MGST1: variants seen among roughly 807,000 people sequenced by gnomAD.
MGST1 encodes microsomal glutathione S-transferase 1.
A neutral mutation model predicts 8.9 loss-of-function variants in MGST1; 5 were observed. That is an observed-to-expected ratio of 0.56 (90% CI 0.29 to 1.19). The LOEUF is 1.19. Ranked by LOEUF, MGST1 falls within the 50% of genes most tolerant of loss-of-function variation. The pLI, the probability that MGST1 is intolerant of heterozygous loss-of-function variation, is 0.08. For missense variants in MGST1, 182 were observed against 187.4 expected, an observed-to-expected ratio of 0.97 and a Z score of 0.17; for synonymous variants, 54 against 67.8, an observed-to-expected ratio of 0.80 and a Z score of 1.00.
intron 4 of MGST1, among the ~76,000 whole-genome samples, chr12:16,481,756 G>C (rs1238020099): frequency 6.6e-6 from 1 of 151,988 alleles, no homozygotes; most frequent in African/African-American, 2.4e-5. Context: ...ACAATGGCTG[G>C]AGTGAGATGG....
intron 1 of MGST1, among the ~76,000 whole-genome samples, chr12:16,420,663 C>T (rs944991483): frequency 2.0e-5 from 3 of 152,102 alleles, no homozygotes; most frequent in African/African-American, 7.2e-5. Flanking sequence ...AGAGCTAGAC[C>T]TTTCTTCCTA....
At chr12:16,581,911 G>A (rs1014865241) in intron 4 of MGST1, among the ~76,000 whole-genome samples, 6 of 151,912 alleles carry the variant, frequency 3.9e-5, no homozygotes, top group Non-Finnish European at 5.9e-5. Context: ...TATGCTAAAT[G>A]TACCTATTTC....
chr12:16,481,862 GAAGA>G, intron 4 of MGST1, among the ~76,000 whole-genome samples: 1 of 152,254 alleles, frequency 6.6e-6, no homozygotes, highest in East Asian at 1.9e-4. Context: ...TTTCAGAATT[GAAGA>G]AAGTCCTCAA....
Position 16,548,517 on chromosome 12 carries a change from T to C in MGST1, n.483-41011T>C, listed in dbSNP as rs1324999606. 6.6e-6 allele frequency: 1 copy of C among 152,068 alleles called. No homozygotes were observed. The highest frequency in any genetic ancestry group is 2.4e-5 in the African/African-American group (1 of 41,392). The allele number at this position is 152,068 out of a possible 1,614,324, so 9.4% of individuals were successfully genotyped here. ...ACTCAGCACTCTGTTGGAGTGGAGG[T>C]GCACGGTCCTTCATCATAGGCAGCC... On this transcript the variant is annotated intron_variant and non_coding_transcript_variant, in intron 4 of 4. Transcript: ENST00000538857. The surrounding 1 kb of genome is among the most constrained non-coding windows in gnomAD (Gnocchi z 4.2).
At chr12:16,396,420 T>A (rs1393373994) in intron 1 of MGST1, among the ~76,000 whole-genome samples, 1 of 152,146 alleles carries the variant, frequency 6.6e-6, no homozygotes, top group Non-Finnish European at 1.5e-5. Context: ...AATGTATTAC[T>A]GGAAGTCTTA....
chr12:16,430,499 G>A (rs1429749052), intron 1 of MGST1, among the ~76,000 whole-genome samples: 1 of 152,106 alleles, frequency 6.6e-6, no homozygotes, highest in Non-Finnish European at 1.5e-5. Flanking sequence ...TGATCCGTGG[G>A]CTGCAGAATG....
At chr12:16,496,344 A>AG (rs1941469648) in intron 4 of MGST1, among the ~76,000 whole-genome samples, 1 of 152,158 alleles carries the variant, frequency 6.6e-6, no homozygotes, top group Admixed American at 6.6e-5. Flanking sequence ...GGAGCCAGAT[A>AG]GGTGAATATC....
chr12:16,395,059 A>G (rs1429067039), intron 1 of MGST1, among the ~76,000 whole-genome samples: 1 of 151,936 alleles, frequency 6.6e-6, no homozygotes, highest in African/African-American at 2.4e-5. Context: ...AATTAATTTT[A>G]ATATATTTTA....
intron 1 of MGST1, among the ~76,000 whole-genome samples, chr12:16,414,718 G>T (rs1394799537): frequency 2.0e-5 from 3 of 152,086 alleles, no homozygotes; most frequent in Non-Finnish European, 2.9e-5. Flanking sequence ...CCCGGCCAAG[G>T]TGGTTATTTT....
chr12:16,364,485 CA>C (rs1328168344), downstream of MGST1: 16 of 729,882 alleles, frequency 2.2e-5, no homozygotes, highest in Non-Finnish European at 2.7e-5. The surrounding 1 kb of genome is among the most constrained non-coding windows in gnomAD (Gnocchi z 5.7). Context: ...AAAAATAGTA[CA>C]AAGAACCACT....
chr12:16,387,520 C>T (rs1169679189), intron 1 of MGST1, among the ~76,000 whole-genome samples: 1 of 148,174 alleles, frequency 6.7e-6, no homozygotes, highest in South Asian at 2.1e-4. Flanking sequence ...ATGCCCTATA[C>T]AGGTATACCA....
rs1158938813 is a variant in MGST1, at chr12:16,559,892, T to C, written n.483-29636T>C. The stretch of plus-strand genomic sequence containing the variant: ...CAGGAGGATTGCTTGAGCACAGAAG[T>C]TGAGGCTGCATGAGCCATGTTAGTG... On this transcript the variant is annotated intron_variant and non_coding_transcript_variant, in intron 4 of 4. Coordinates refer to the MGST1 transcript ENST00000538857. This position sits in a 1 kb window ranked among gnomAD's most constrained non-coding sequence, Gnocchi z 4.1. Among the ~76,000 whole-genome samples, 2 of 151,916 alleles carry C rather than the reference T, an allele frequency of 1.3e-5. No individual in the cohort carries two copies. Among genetic ancestry groups the C allele is most frequent in the African/African-American group, 4.8e-5 (2 of 41,344 alleles).
chr12:16,399,998 A>G, intron 1 of MGST1: 2 of 1,478,596 alleles, frequency 1.4e-6, no homozygotes, highest in Non-Finnish European at 1.9e-6. Context: ...GTACTCCTGT[A>G]GGGAGCTCTG....
intron 4 of MGST1, among the ~76,000 whole-genome samples, chr12:16,498,399 T>A (rs192371919): frequency 8.2e-4 from 125 of 152,302 alleles, no homozygotes; most frequent in Admixed American, 1.9e-3. Context: ...ATTACCACTG[T>A]GATACCAAGA....
chr12:16,519,408 G>T (rs1941634630), intron 4 of MGST1, among the ~76,000 whole-genome samples: 1 of 152,156 alleles, frequency 6.6e-6, no homozygotes, highest in South Asian at 2.1e-4. Flanking sequence ...CTTGAGAGGA[G>T]AAAAGTATGA....
intron 4 of MGST1, among the ~76,000 whole-genome samples, chr12:16,463,909 C>T (rs1162861954): frequency 6.6e-6 from 1 of 152,140 alleles, no homozygotes; most frequent in East Asian, 1.9e-4. Context: ...TTCAAAGTAT[C>T]TTCTCTGTGA....
chr12:16,377,394 G>A (rs1467604460), downstream of MGST1, among the ~76,000 whole-genome samples: 4 of 148,668 alleles, frequency 2.7e-5, no homozygotes, highest in Non-Finnish European at 5.9e-5. Flanking sequence ...AGAACATATG[G>A]TGTTTCGTTT....
intron 4 of MGST1, among the ~76,000 whole-genome samples, chr12:16,466,774 A>G (rs927165089): frequency 6.6e-6 from 1 of 152,208 alleles, no homozygotes; most frequent in African/African-American, 2.4e-5. Context: ...TCTTTCTTTT[A>G]ACACACTTTC....
At chr12:16,579,697 T>G (rs1051824556) in intron 4 of MGST1, among the ~76,000 whole-genome samples, 2 of 152,216 alleles carry the variant, frequency 1.3e-5, no homozygotes, top group African/African-American at 4.8e-5. Flanking sequence ...TACTAGGCAC[T>G]CAGTAAGAAT....
Sources: gnomAD v4.1 joint callset for allele counts (sites outside exome capture counted in the v4.1 genomes callset) on GRCh38, gnomAD v4.1.1 for gene constraint, Gnocchi (gnomAD v3.1) non-coding constraint, MANE v1.5 for transcripts, NCBI Gene and HGNC (gene_info 2026-07-23, HGNC 2026-07-21) for gene names.